ALK: variants seen among roughly 807,000 people sequenced by gnomAD.
ALK encodes the protein ALK tyrosine kinase receptor.
Under a neutral mutation model 163.1 loss-of-function variants are expected in ALK, and 74 were observed. The observed-to-expected ratio is 0.45, with a 90% CI of 0.38 to 0.55. The LOEUF (loss-of-function observed/expected upper bound fraction) is 0.55, where lower values mean the gene tolerates loss of function less well. Among genes scored for constraint, ALK ranks in the 20% least tolerant of loss-of-function variants. ALK has a pLI of 0.00. For synonymous variants in ALK, 960 were observed against 843.2 expected, an observed-to-expected ratio of 1.14 and a Z score of -2.40; for missense variants, 2,063 against 2,105.3, an observed-to-expected ratio of 0.98 and a Z score of 0.39.
chr2:29,334,043 T>TC (rs1217668975), intron 5 of ALK, among the ~76,000 whole-genome samples: 2 of 152,154 alleles, frequency 1.3e-5, no homozygotes, highest in Non-Finnish European at 2.9e-5. Context: ...ATCTTTGGCT[T>TC]CCCCTCTCCT....
At chr2:29,419,833 G>T (rs1163376227) in intron 4 of ALK, among the ~76,000 whole-genome samples, 1 of 151,450 alleles carries the variant, frequency 6.6e-6, no homozygotes, top group African/African-American at 2.5e-5. Context: ...GAGAAAGTTT[G>T]AACCAAAATG....
intron 4 of ALK, among the ~76,000 whole-genome samples, chr2:29,437,297 C>T (rs1013086305): frequency 6.6e-6 from 1 of 152,056 alleles, no homozygotes; most frequent in Non-Finnish European, 1.5e-5. Flanking sequence ...GCCCATGTTT[C>T]TCCAGAGAAT....
intron 1 of ALK, among the ~76,000 whole-genome samples, chr2:29,915,604 A>T (rs1356101771): frequency 1.3e-5 from 2 of 152,232 alleles, no homozygotes; most frequent in African/African-American, 2.4e-5. Flanking sequence ...TCTTTTAAAA[A>T]TTTTTGAAAT....
intron 1 of ALK, among the ~76,000 whole-genome samples, chr2:29,806,318 A>C (rs1369441890): frequency 6.6e-6 from 1 of 152,160 alleles, no homozygotes; most frequent in Non-Finnish European, 1.5e-5. Context: ...GCATGGGAGA[A>C]AGACTAACAG....
intron 5 of ALK, among the ~76,000 whole-genome samples, chr2:29,363,522 G>A (rs1400448911): frequency 6.6e-6 from 1 of 152,188 alleles, no homozygotes; most frequent in Non-Finnish European, 1.5e-5. Context: ...TCTTCTAGCT[G>A]GGTGAGCTTG....
At chr2:29,606,985 C>T (rs900177381) in intron 3 of ALK, among the ~76,000 whole-genome samples, 14 of 152,248 alleles carry the variant, frequency 9.2e-5, no homozygotes, top group Admixed American at 2.0e-4. Flanking sequence ...CATCTGCTTT[C>T]CTTTTTTTAA....
chr2:29,491,690 T>C lies in ALK; in HGVS notation c.1154+40225A>G, dbSNP rs117952549. 3.8e-4 allele frequency among the ~76,000 whole-genome samples: 58 copies of C among 152,328 alleles called. 2 individuals are homozygous for C. In the East Asian group the frequency reaches 9.4e-3, roughly 25 times the overall value. ...TCTTGGAAGCAGCTGAGCTTGTTAA[T>C]GAAACAGGTTGTTACTTTCACTTAA... is the stretch of plus-strand genomic sequence containing the variant. On this transcript the variant is annotated intron_variant, in intron 4 of 28. Transcript: ENST00000389048.
intron 3 of ALK, among the ~76,000 whole-genome samples, chr2:29,610,224 G>A (rs916873053): frequency 6.6e-6 from 1 of 152,150 alleles, no homozygotes; most frequent in South Asian, 2.1e-4. Context: ...AGCGACAGTT[G>A]CCATTACCAG....
chr2:29,846,180 TC>T (rs2148397756), intron 1 of ALK, among the ~76,000 whole-genome samples: 1 of 152,328 alleles, frequency 6.6e-6, no homozygotes, highest in South Asian at 2.1e-4. Context: ...TACCCTGAAC[TC>T]CTGTCTGTTT....
intron 3 of ALK, among the ~76,000 whole-genome samples, chr2:29,599,186 CA>C (rs538039527): frequency 0.032 from 3,195 of 100,222 alleles, 101 homozygotes; most frequent in African/African-American, 0.099. Context: ...TCTGACTCTG[CA>C]AAAAAAAAAA....
intron 1 of ALK, among the ~76,000 whole-genome samples, chr2:29,882,718 G>A (rs1438709452): frequency 1.3e-5 from 2 of 152,148 alleles, no homozygotes; most frequent in Admixed American, 6.5e-5. Flanking sequence ...ATACCAAGGA[G>A]GCATCACTTC....
Position 29,320,854 on chromosome 2 carries a change from G to A in ALK, c.1443C>T (p.Asn481=), listed in dbSNP as rs200448968. 1 of 1,614,186 alleles carries A rather than the reference G, an allele frequency of 6.2e-7. No homozygotes were observed. Among genetic ancestry groups the A allele is most frequent in the Non-Finnish European group, 8.5e-7 (1 of 1,180,018 alleles). Residue 481 remains asparagine, a synonymous_variant, in exon 7 of 29, where the codon AAC becomes AAT. Transcript: ENST00000389048. The stretch of plus-strand genomic sequence containing the variant: ...TCCAGCCACAGAAGCCATCTTCAAA[G>A]TTGCAGTAAAAACCCACAGGCAGTT... ...CRKLPVGFYC[N]FEDGFCGWTQ... is the part of the protein sequence containing the mutation.
At chr2:29,863,661 C>G (rs770580209) in intron 1 of ALK, among the ~76,000 whole-genome samples, 6 of 152,056 alleles carry the variant, frequency 3.9e-5, no homozygotes, top group Non-Finnish European at 5.9e-5. Context: ...AAAGGAAACC[C>G]TTACACTGTT....
At chr2:29,335,441 G>A (rs1260665388) in intron 5 of ALK, among the ~76,000 whole-genome samples, 1 of 152,170 alleles carries the variant, frequency 6.6e-6, no homozygotes, top group African/African-American at 2.4e-5. Flanking sequence ...TTAATCAGAA[G>A]ACTGAGGATG....
intron 3 of ALK, among the ~76,000 whole-genome samples, chr2:29,631,469 T>G (rs1160592405): frequency 6.6e-6 from 1 of 152,228 alleles, no homozygotes; most frequent in Non-Finnish European, 1.5e-5. Flanking sequence ...GATCCCATCC[T>G]GGGACGGGTT....
intron 1 of ALK, among the ~76,000 whole-genome samples, chr2:29,889,805 GAC>G (rs1334976151): frequency 6.6e-6 from 1 of 150,418 alleles, no homozygotes; most frequent in African/African-American, 2.5e-5. Flanking sequence ...CCCTGTGATG[GAC>G]ACAGACTCCA....
intron 3 of ALK, among the ~76,000 whole-genome samples, chr2:29,610,028 G>C (rs1489172072): frequency 2.0e-5 from 3 of 152,180 alleles, no homozygotes; most frequent in Non-Finnish European, 4.4e-5. Flanking sequence ...TTTTGTCCTT[G>C]ACACCTATTT....
At chr2:29,536,340 A>C (rs189204192) in intron 3 of ALK, among the ~76,000 whole-genome samples, 110 of 149,808 alleles carry the variant, frequency 7.3e-4, no homozygotes, top group Non-Finnish European at 1.4e-3. Context: ...CTGGTTATTT[A>C]AAAGAGTCTA....
intron 1 of ALK, among the ~76,000 whole-genome samples, chr2:29,725,154 CAAAAAAAAA>C (rs757959526): frequency 3.0e-5 from 2 of 67,396 alleles, no homozygotes; most frequent in Non-Finnish European, 5.2e-5. Flanking sequence ...TATCCTATAC[CAAAAAAAAA>C]AAAAAAAAAA....
Sources: gnomAD v4.1 joint callset for allele counts (sites outside exome capture counted in the v4.1 genomes callset) on GRCh38, gnomAD v4.1.1 for gene constraint, MANE v1.5 for transcripts, NCBI Gene and HGNC (gene_info 2026-07-23, HGNC 2026-07-21) for gene names.